PARD3: variants seen among roughly 807,000 people sequenced by gnomAD.
PARD3 encodes par-3 family cell polarity regulator, also known as partitioning defective 3 homolog.
PARD3 carries 75 observed loss-of-function variants against 155.4 expected under a neutral mutation model. The ratio of observed to expected loss-of-function variants is 0.48; its 90% CI spans 0.40 to 0.58. The LOEUF is 0.58. Ranked by LOEUF, PARD3 falls within the 20% of genes least tolerant of loss-of-function variation. PARD3 has a pLI of 0.00. For synonymous variants in PARD3, 576 were observed against 610.5 expected (o/e 0.94, Z 0.83); for missense variants, 1,642 against 1,721.7 (o/e 0.95, Z 0.82).
In PARD3 at chr10:34,653,779, G is replaced by A. The variant is rs1430500115; in HGVS notation, c.222+42539C>T. 6.5e-5 allele frequency among the ~76,000 whole-genome samples: 8 copies of A among 122,320 alleles called. No individual in the cohort carries two copies. The Admixed American group carries it at 7.6e-4, about 12-fold the overall frequency. The allele number at this position is 122,320 out of a possible 152,430, so 80.2% of individuals were successfully genotyped here. A position where few individuals can be genotyped will look rare whatever the true frequency, so the allele number is the denominator to read the frequency against. ...ACCGCACTCTAGCCTGGGCAACATA[G>A]CAAGACCTCGACTCCAAAAAAAAAA... On this transcript the variant is annotated intron_variant, in intron 2 of 24. Transcript: ENST00000374788.
chr10:34,312,223 CTGA>C, intron 20 of PARD3: 1 of 1,539,214 alleles, frequency 6.5e-7, no homozygotes, highest in East Asian at 2.3e-5. Flanking sequence ...CATCAAACTG[CTGA>C]TGTCGTAAAC....
At chr10:34,752,857 C>CGAA (rs1836237498) in intron 1 of PARD3, among the ~76,000 whole-genome samples, 2 of 152,140 alleles carry the variant, frequency 1.3e-5, no homozygotes, top group South Asian at 4.1e-4. Context: ...GGGCTGTGTG[C>CGAA]GAATACCTCA....
rs1380603624 is a variant in PARD3 at position 34,269,868 on chromosome 10, G to A, written c.3208C>T (p.Arg1070Ter). The A allele has an allele frequency of 1.9e-6, 3 of 1,613,480 alleles. No homozygotes were observed. Among genetic ancestry groups the A allele is most frequent in the African/African-American group, 1.3e-5 (1 of 74,878 alleles). Residue 1070 changes from arginine to a stop codon, truncating the protein, a stop_gained, in exon 22 of 25, where the codon CGA (arginine) becomes TGA (stop). Coordinates refer to ENST00000374788, the MANE Select transcript of PARD3 (RefSeq NM_001184785.2). LOFTEE classifies it high-confidence loss of function. ...IQAKTREFRE[R>*]QARERDYAEI... ...GCATAGTCACGCTCTCGAGCTTGTC[G>A]TTCCCTAAATTCTCGAGTTTTGGCT...
intron 19 of PARD3, among the ~76,000 whole-genome samples, chr10:34,327,360 A>G (rs993241967): frequency 1.2e-4 from 18 of 152,202 alleles, no homozygotes; most frequent in African/African-American, 4.3e-4. Flanking sequence ...CACAGGAAGA[A>G]TGTAAGTGCT....
intron 1 of PARD3, among the ~76,000 whole-genome samples, chr10:34,808,349 T>C (rs1428057289): frequency 7.5e-6 from 1 of 133,432 alleles, no homozygotes; most frequent in Non-Finnish European, 1.6e-5. Context: ...TTGTAAATAA[T>C]GACTAAAAGA....
At chr10:34,175,125 C>T (rs890331614) in intron 22 of PARD3, among the ~76,000 whole-genome samples, 6 of 152,132 alleles carry the variant, frequency 3.9e-5, no homozygotes, top group African/African-American at 1.2e-4. Context: ...CTAATTAAAT[C>T]GGAGCATGTA....
chr10:34,376,169 T>A (rs1398153816), intron 10 of PARD3, among the ~76,000 whole-genome samples: 1 of 152,192 alleles, frequency 6.6e-6, no homozygotes, highest in African/African-American at 2.4e-5. Context: ...TAGCTACAAC[T>A]GTAGATACTA....
intron 5 of PARD3, among the ~76,000 whole-genome samples, chr10:34,446,468 G>C (rs1249957001): frequency 6.6e-6 from 1 of 151,974 alleles, no homozygotes; most frequent in African/African-American, 2.4e-5. Context: ...TGCTGGATGA[G>C]TAAACTGATG....
chr10:34,245,730 G>C (rs565706667), intron 22 of PARD3, among the ~76,000 whole-genome samples: 1 of 152,314 alleles, frequency 6.6e-6, no homozygotes, highest in East Asian at 1.9e-4. Context: ...ACAGGAGATG[G>C]ACAGGGTGCT....
At chr10:34,644,852 T>G (rs1315771779) in intron 2 of PARD3, among the ~76,000 whole-genome samples, 1 of 152,144 alleles carries the variant, frequency 6.6e-6, no homozygotes, top group Non-Finnish European at 1.5e-5. Context: ...TAAAACTACA[T>G]GTTTTATTTA....
intron 2 of PARD3, among the ~76,000 whole-genome samples, chr10:34,568,762 C>A (rs1227417032): frequency 1.3e-5 from 2 of 152,152 alleles, no homozygotes; most frequent in African/African-American, 2.4e-5. Flanking sequence ...GACTTCAGGG[C>A]AAATTAACCT....
At chr10:34,443,048 A>G (rs2132678814) in intron 5 of PARD3, among the ~76,000 whole-genome samples, 1 of 152,086 alleles carries the variant, frequency 6.6e-6, no homozygotes, top group South Asian at 2.1e-4. Context: ...ATGTAGGCAG[A>G]TCAGTGGAAA....
chr10:34,808,548 G>A (rs138964768), intron 1 of PARD3, among the ~76,000 whole-genome samples: 2 of 152,264 alleles, frequency 1.3e-5, no homozygotes, highest in African/African-American at 4.8e-5. Flanking sequence ...CAGGATGAAA[G>A]CATGCTGTGT....
chr10:34,745,443 G>A (rs10160162), intron 1 of PARD3, among the ~76,000 whole-genome samples: 4,441 of 40,024 alleles, frequency 0.11, 215 homozygotes, highest in African/African-American at 0.24. Context: ...AAAGAGAGAG[G>A]GAAAGAGAGA....
chr10:34,137,911 C>T (rs563435580), intron 22 of PARD3, among the ~76,000 whole-genome samples: 4 of 152,176 alleles, frequency 2.6e-5, no homozygotes. Flanking sequence ...ACGTTCTAGA[C>T]CTCCCTCCTC....
intron 1 of PARD3, among the ~76,000 whole-genome samples, chr10:34,800,907 G>C (rs555835879): frequency 2.0e-5 from 3 of 152,012 alleles, no homozygotes; most frequent in Non-Finnish European, 4.4e-5. Context: ...ACCACTCCCC[G>C]GAATCTATAA....
At chr10:34,250,600 TACTC>T (rs983492087) in intron 22 of PARD3, among the ~76,000 whole-genome samples, 9 of 151,442 alleles carry the variant, frequency 5.9e-5, no homozygotes, top group Admixed American at 5.9e-4. Flanking sequence ...GAAACAGACA[TACTC>T]AGTAATAAAA....
rs143712102 is a variant in PARD3, at chr10:34,731,051, T to C, written c.121-34632A>G. ...AACTTCTACGGGCAGGGTTTCCATA[T>C]GATAAAGATATTTGTGCATACTTGA... On this transcript the variant is annotated intron_variant, in intron 1 of 24. Transcript: ENST00000374788. Among the ~76,000 whole-genome samples the C allele has an allele frequency of 3.0e-4, 45 of 152,322 alleles. No homozygotes were observed. The East Asian group carries it at 6.2e-3, about 21-fold the overall frequency.
intron 1 of PARD3, among the ~76,000 whole-genome samples, chr10:34,760,192 CA>C (rs1164411771): frequency 6.4e-4 from 10 of 15,708 alleles, no homozygotes; most frequent in South Asian, 6.3e-3. Context: ...GTGTGGGGGA[CA>C]GCGCAGCGGT....
Sources: gnomAD v4.1 joint callset for allele counts (sites outside exome capture counted in the v4.1 genomes callset) on GRCh38, gnomAD v4.1.1 for gene constraint, MANE v1.5 for transcripts, NCBI Gene and HGNC (gene_info 2026-07-23, HGNC 2026-07-21) for gene names.